The following UBA6 variants were observed in gnomAD, a reference collection of about 807,000 sequenced individuals.
UBA6 encodes the protein ubiquitin like modifier activating enzyme 6, also known as ubiquitin-like modifier-activating enzyme 6.
Under a neutral mutation model 148.3 loss-of-function variants are expected in UBA6, and 87 were observed. The ratio of observed to expected loss-of-function variants is 0.59; its 90% CI spans 0.49 to 0.70. UBA6 has a LOEUF of 0.70. UBA6 is among the 30% of genes least tolerant of loss of function. The probability of loss-of-function intolerance (pLI) is 0.00; values close to 1 mark genes in which losing one functional copy is unlikely to be tolerated. For synonymous variants in UBA6, 376 were observed against 401.0 expected (o/e 0.94, Z 0.75); for missense variants, 1,186 against 1,241.2 (o/e 0.96, Z 0.67).
intron 19 of UBA6, 112 bp from the exon 20 acceptor site, chr4:67,635,670 G>A (rs543540853): frequency 3.1e-6 from 2 of 642,248 alleles, no homozygotes; most frequent in South Asian, 3.7e-5. Context: ...CTTCTTGAAT[G>A]CAGTATTTTA....
chr4:67,627,413 T>G (rs767712286), intron 27 of UBA6, among the ~76,000 whole-genome samples: 19 of 151,920 alleles, frequency 1.3e-4, no homozygotes, highest in South Asian at 8.3e-4. Context: ...GTTAAAACTG[T>G]AGTTAAATTG....
intron 10 of UBA6, 85 bp from the exon 11 acceptor site, chr4:67,664,032 A>G: frequency 2.9e-6 from 3 of 1,048,600 alleles, no homozygotes; most frequent in Non-Finnish European, 4.3e-6. Flanking sequence ...TGCGCTAAAA[A>G]CTAGGGAACT....
chr4:67,652,353 G>A (rs572907882), intron 13 of UBA6, among the ~76,000 whole-genome samples: 22 of 152,262 alleles, frequency 1.4e-4, no homozygotes, highest in African/African-American at 5.3e-4. Flanking sequence ...TCAAATTCAT[G>A]GCCAGTGATA....
Position 67,625,188 on chromosome 4 carries a change from CT to C in UBA6, c.2519-2del. On this transcript the variant is annotated splice_acceptor_variant, in intron 28 of 32. Transcript: ENST00000322244. LOFTEE classifies it high-confidence loss of function. ...GAAAGCACTGCCATCTGAAGGTCACCTGATTATACCAACCAGATAAACAAAG... is the reference window on the plus strand; with the variant it reads ...GAAAGCACTGCCATCTGAAGGTCACCGATTATACCAACCAGATAAACAAAG... The C allele has an allele frequency of 6.2e-7, 1 of 1,600,438 alleles. No individual in the cohort carries two copies. The highest frequency in any genetic ancestry group is 8.5e-7 in the Non-Finnish European group (1 of 1,173,416).
At chr4:67,641,775 G>C (rs1259169217) in intron 17 of UBA6, among the ~76,000 whole-genome samples, 1 of 152,084 alleles carries the variant, frequency 6.6e-6, no homozygotes, top group Non-Finnish European at 1.5e-5. Context: ...CATGATCCTA[G>C]GGGCAGAACT....
At chr4:67,694,559 G>GCACCCA (rs397993845) in intron 2 of UBA6, among the ~76,000 whole-genome samples, 2 of 151,570 alleles carry the variant, frequency 1.3e-5, no homozygotes, top group Non-Finnish European at 2.9e-5. Flanking sequence ...CACCACACCC[G>GCACCCA]GCTAATTTTT....
intron 1 of UBA6, among the ~76,000 whole-genome samples, chr4:67,698,858 G>GATA (rs1402975180): frequency 6.2e-4 from 95 of 152,216 alleles, no homozygotes; most frequent in African/African-American, 2.2e-3. Flanking sequence ...TACTTGGGAG[G>GATA]CTGAGGTGGG....
intron 19 of UBA6, among the ~76,000 whole-genome samples, chr4:67,636,553 GAC>G (rs1392343377): frequency 2.8e-4 from 42 of 152,320 alleles, no homozygotes; most frequent in African/African-American, 9.6e-4. Flanking sequence ...CGCCACGCCT[GAC>G]TGGTTTTCAT....
intron 20 of UBA6, among the ~76,000 whole-genome samples, chr4:67,634,879 A>T (rs1441397724): frequency 6.6e-6 from 1 of 152,106 alleles, no homozygotes; most frequent in Non-Finnish European, 1.5e-5. Flanking sequence ...ATTCAGGAAT[A>T]CCCAGTATAG....
At chr4:67,622,024 G>A (rs1349565193) in intron 32 of UBA6, among the ~76,000 whole-genome samples, 1 of 152,134 alleles carries the variant, frequency 6.6e-6, no homozygotes, top group African/African-American at 2.4e-5. Flanking sequence ...AGAGTTACAA[G>A]CAGAGGGAAC....
intron 9 of UBA6, among the ~76,000 whole-genome samples, chr4:67,666,914 A>T (rs898246832): frequency 1.3e-5 from 2 of 152,154 alleles, no homozygotes; most frequent in African/African-American, 4.8e-5. Context: ...ACAAAAAAAC[A>T]AAACAACATT....
At chr4:67,657,816 A>G (rs1729736680) in intron 13 of UBA6, among the ~76,000 whole-genome samples, 1 of 138,706 alleles carries the variant, frequency 7.2e-6, no homozygotes, top group Non-Finnish European at 1.6e-5. Flanking sequence ...AAAGAACTTA[A>G]ACAAATTTAC....
At chr4:67,626,500 T>A in intron 27 of UBA6, 23 bp from the exon 28 acceptor site, 12 of 1,366,432 alleles carry the variant, frequency 8.8e-6, no homozygotes, top group East Asian at 2.3e-5. Flanking sequence ...GAATATATTT[T>A]TATTAATGTT....
At chr4:67,692,215 C>G (rs1206139819) in intron 2 of UBA6, among the ~76,000 whole-genome samples, 1 of 152,172 alleles carries the variant, frequency 6.6e-6, no homozygotes, top group African/African-American at 2.4e-5. Context: ...TGAGAAGCAG[C>G]TTCTGCCGAT....
intron 28 of UBA6, 121 bp downstream of exon 28, chr4:67,626,239 T>C (rs1010063647): frequency 1.5e-6 from 1 of 666,914 alleles, no homozygotes; most frequent in Non-Finnish European, 2.6e-6. Flanking sequence ...GATCATGAAA[T>C]CAATCAATAT....
At position 67,619,045 on chromosome 4, in the gene UBA6, ATCT is replaced by A; in HGVS notation, c.3108_3110del (p.Glu1036del). The stretch of plus-strand genomic sequence containing the variant: ...AGTATCTTACTGGAGGTCCCGGCAA[ATCT>A]TCATCTCCATCAATGTCTGGAGCAA... On this transcript the variant is annotated inframe_deletion, in exon 33 of 33. Coordinates refer to ENST00000322244, the MANE Select transcript of UBA6 (RefSeq NM_018227.6). The A allele has an allele frequency of 6.2e-7, 1 of 1,613,960 alleles. No homozygotes were observed. Among genetic ancestry groups the A allele is most frequent in the East Asian group, 2.2e-5 (1 of 44,856 alleles).
intron 13 of UBA6, among the ~76,000 whole-genome samples, chr4:67,652,559 T>G (rs1041762486): frequency 2.0e-5 from 3 of 152,176 alleles, no homozygotes; most frequent in Non-Finnish European, 4.4e-5. Context: ...GTCTTGGTCC[T>G]CCCAGATGGC....
intron 14 of UBA6, 83 bp downstream of exon 14, chr4:67,648,985 C>A: frequency 7.2e-7 from 1 of 1,391,798 alleles, no homozygotes. Flanking sequence ...GGTCGCTTTT[C>A]TAATATATTA....
At chr4:67,657,814 TA>T (rs1729736605) in intron 13 of UBA6, among the ~76,000 whole-genome samples, 1 of 51,340 alleles carries the variant, frequency 1.9e-5, no homozygotes, top group South Asian at 8.1e-4. Flanking sequence ...ACAAAGAACT[TA>T]AACAAATTTA....
Sources: allele counts gnomAD v4.1 joint callset (sites outside exome capture counted in the v4.1 genomes callset), GRCh38; gene constraint gnomAD v4.1.1; transcripts MANE v1.5; gene names NCBI Gene and HGNC (gene_info 2026-07-23, HGNC 2026-07-21).